Variants in THUMPD2 observed in about 807,000 individuals in gnomAD.
THUMPD2 encodes the protein U6 snRNA (guanine-N(2))-methyltransferase THUMPD2.
In THUMPD2, 56 loss-of-function variants were observed where a neutral mutation model predicts 49.4. The ratio of observed to expected loss-of-function variants is 1.13; its 90% CI spans 0.91 to 1.41. The LOEUF (loss-of-function observed/expected upper bound fraction) is 1.41. Among genes scored for constraint, THUMPD2 ranks in the 40% most tolerant of loss-of-function variants. The pLI, the probability that THUMPD2 is intolerant of heterozygous loss-of-function variation, is 0.00. For synonymous variants in THUMPD2, 237 were observed against 205.2 expected (o/e 1.15, Z -1.32); for missense variants, 709 against 594.5 (o/e 1.19, Z -2.00).
chr2:39,761,485 C>G, intron 5 of THUMPD2, 67 bp from the exon 6 acceptor site: 1 of 1,372,426 alleles, frequency 7.3e-7, no homozygotes, highest in Non-Finnish European at 1.0e-6. Context: ...AATGATTTAC[C>G]TGTCCAAATC....
intron 8 of THUMPD2, among the ~76,000 whole-genome samples, chr2:39,745,824 TA>T (rs940018415): frequency 6.6e-6 from 1 of 152,100 alleles, no homozygotes; most frequent in Non-Finnish European, 1.5e-5. Flanking sequence ...GAATAATTTT[TA>T]AAAAAAATCT....
chr2:39,761,259 T>A, intron 6 of THUMPD2, 72 bp downstream of exon 6: 3 of 1,302,748 alleles, frequency 2.3e-6, no homozygotes, highest in Non-Finnish European at 3.3e-6. Context: ...TAAATATCCA[T>A]CAATAAGAGA....
At chr2:39,739,314 A>C (rs1673577471) in intron 9 of THUMPD2, among the ~76,000 whole-genome samples, 1 of 152,110 alleles carries the variant, frequency 6.6e-6, no homozygotes, top group African/African-American at 2.4e-5. Context: ...TCAGCTGCTC[A>C]AACTCACCAA....
At chr2:39,758,127 A>T (rs1676373794) in intron 6 of THUMPD2, among the ~76,000 whole-genome samples, 1 of 152,240 alleles carries the variant, frequency 6.6e-6, no homozygotes, top group African/African-American at 2.4e-5. Context: ...CTTTTCTGAA[A>T]AACATGTTTA....
At chr2:39,764,434 T>C (rs1677239689) in intron 5 of THUMPD2, among the ~76,000 whole-genome samples, 1 of 152,244 alleles carries the variant, frequency 6.6e-6, no homozygotes, top group East Asian at 1.9e-4. Flanking sequence ...TGCTATGCTA[T>C]ACTGTAGTAG....
intron 7 of THUMPD2, 131 bp downstream of exon 7, chr2:39,755,758 G>GATTAT (rs1676018599): frequency 1.5e-6 from 1 of 681,572 alleles, no homozygotes; most frequent in Non-Finnish European, 2.4e-6. Context: ...CATCTATTTT[G>GATTAT]AGTAAATAAT....
At chr2:39,744,300 A>G in intron 9 of THUMPD2, 70 bp downstream of exon 9, 1 of 813,450 alleles carries the variant, frequency 1.2e-6, no homozygotes. Flanking sequence ...CCTTAACTGA[A>G]GAGCTATGAT....
intron 2 of THUMPD2, among the ~76,000 whole-genome samples, chr2:39,771,050 G>C (rs1053008926): frequency 6.6e-6 from 1 of 151,890 alleles, no homozygotes; most frequent in Non-Finnish European, 1.5e-5. Flanking sequence ...GTGGGCATAA[G>C]TTTATCGAAA....
chr2:39,741,604 C>G (rs1673905436), intron 9 of THUMPD2, among the ~76,000 whole-genome samples: 1 of 152,176 alleles, frequency 6.6e-6, no homozygotes. Context: ...TGACAATGCT[C>G]TGTACCCATA....
intron 5 of THUMPD2, among the ~76,000 whole-genome samples, chr2:39,765,219 G>A (rs1677354087): frequency 6.6e-6 from 1 of 152,128 alleles, no homozygotes; most frequent in African/African-American, 2.4e-5. Context: ...GAGTGCAATG[G>A]CATGATTCTG....
intron 4 of THUMPD2, among the ~76,000 whole-genome samples, chr2:39,767,346 T>TGGGTG (rs1677660322): frequency 6.6e-6 from 1 of 152,142 alleles, no homozygotes; most frequent in East Asian, 1.9e-4. Flanking sequence ...GGCTCACGCC[T>TGGGTG]GTAATCCCAG....
At chr2:39,766,300 G>A (rs1319408526) in intron 4 of THUMPD2, 191 bp from the exon 5 acceptor site, 1 of 416,532 alleles carries the variant, frequency 2.4e-6, no homozygotes, top group Non-Finnish European at 4.3e-6. Flanking sequence ...TAAATTTTAA[G>A]TACATTTCAT....
At chr2:39,756,935 A>AATC (rs1327924135) in intron 6 of THUMPD2, among the ~76,000 whole-genome samples, 2 of 139,202 alleles carry the variant, frequency 1.4e-5, no homozygotes, top group East Asian at 4.6e-4. Context: ...TAATAATAAT[A>AATC]ATAAATGGTA....
intron 9 of THUMPD2, among the ~76,000 whole-genome samples, chr2:39,740,124 C>T (rs1237500021): frequency 6.6e-6 from 1 of 152,116 alleles, no homozygotes; most frequent in East Asian, 1.9e-4. Context: ...ATAACACTGT[C>T]ATTTTGCAGA....
chr2:39,778,391 T>C (rs539550964), intron 1 of THUMPD2, among the ~76,000 whole-genome samples: 2 of 152,366 alleles, frequency 1.3e-5, no homozygotes, highest in East Asian at 1.9e-4. Flanking sequence ...CTTCCCACAC[T>C]GTAGGAGCTG....
chr2:39,748,573 A>T lies in THUMPD2; in HGVS notation c.1079-4095T>A, dbSNP rs2270295. On this transcript the variant is annotated intron_variant, in intron 8 of 9. Transcript: ENST00000505747. ...CGTGGTAGCATGCGCCTGTAGTCCC[A>T]GCTACTCAGGAGGCTGAAGCGGGAG... 1.3e-3 allele frequency among the ~76,000 whole-genome samples: 204 copies of T among 152,270 alleles called. 4 individuals carry two copies. In the East Asian group the frequency reaches 0.032, roughly 24 times the overall value.
chr2:39,741,562 G>C (rs529922816), intron 9 of THUMPD2, among the ~76,000 whole-genome samples: 1 of 152,202 alleles, frequency 6.6e-6, no homozygotes, highest in Non-Finnish European at 1.5e-5. Flanking sequence ...TTACATTTGA[G>C]GAGAAAACTC....
At chr2:39,738,821 TAGAGTGGGGCTGGAAACTGAGGA>T (rs1350142147) in intron 9 of THUMPD2, among the ~76,000 whole-genome samples, 1 of 151,604 alleles carries the variant, frequency 6.6e-6, no homozygotes, top group Non-Finnish European at 1.5e-5. Context: ...TCTGCCAGGG[TAGAGTGGGGCTGGAAACTGAGGA>T]AGCAGAGGTG....
At position 39,770,139 on chromosome 2, in the gene THUMPD2, T is replaced by C. The variant is rs746497626; in HGVS notation, c.263-20A>G. On this transcript the variant is annotated intron_variant, in intron 2 of 9. Transcript: ENST00000505747. ...TTTTTCCTAAATAAGAAAAATCTTG[T>C]TGATCCTCTATTGAAGCTTTAAAGA... The C allele has an allele frequency of 3.5e-6, 5 of 1,444,300 alleles. No individual in the cohort carries two copies. The African/African-American group carries it at 4.4e-5, about 13-fold the overall frequency. The allele number at this position is 1,444,300 out of a possible 1,614,324, so 89.5% of individuals were successfully genotyped here.
Sources: gnomAD v4.1 joint callset for allele counts (sites outside exome capture counted in the v4.1 genomes callset) on GRCh38, gnomAD v4.1.1 for gene constraint, MANE v1.5 for transcripts, NCBI Gene and HGNC (gene_info 2026-07-23, HGNC 2026-07-21) for gene names.